Variants in LRP1B observed in about 807,000 individuals in gnomAD.
LRP1B encodes the protein low-density lipoprotein receptor-related protein 1B.
In LRP1B, 217 loss-of-function variants were observed where a neutral mutation model predicts 556.6. The observed-to-expected ratio is 0.39, with a 90% CI of 0.35 to 0.44. The LOEUF is 0.44. LRP1B is among the 20% of genes least tolerant of loss of function. The probability of loss-of-function intolerance (pLI) is 1.00; values close to 1 mark genes in which losing one functional copy is unlikely to be tolerated. For missense variants in LRP1B, 5,053 were observed against 5,620.8 expected (o/e 0.90, Z 3.23); for synonymous variants, 2,047 against 1,865.8 (o/e 1.10, Z -2.50).
chr2:141,499,406 C>T lies in LRP1B; in HGVS notation c.206-18873G>A, dbSNP rs375598407. On this transcript the variant is annotated intron_variant, in intron 2 of 90. Coordinates refer to ENST00000389484, the MANE Select transcript of LRP1B (RefSeq NM_018557.3). Reference sequence around the variant, plus strand: ...CTTCCGGTAATACCTACGCCTCTTACTTGTTCACATTGGCCCTGTCTGGTT... The same window carrying T: ...CTTCCGGTAATACCTACGCCTCTTATTTGTTCACATTGGCCCTGTCTGGTT... Among the ~76,000 whole-genome samples, 48 of 152,230 alleles carry T rather than the reference C, an allele frequency of 3.2e-4. No individual in the cohort carries two copies. The South Asian group carries it at 9.7e-3, about 31-fold the overall frequency.
At chr2:140,903,465 T>C (rs1398813794) in intron 22 of LRP1B, among the ~76,000 whole-genome samples, 5 of 152,058 alleles carry the variant, frequency 3.3e-5, no homozygotes, top group Admixed American at 6.6e-5. Context: ...AATGTTTCTA[T>C]TATGACTGGA....
At chr2:140,794,802 G>A (rs1408583414) in intron 32 of LRP1B, among the ~76,000 whole-genome samples, 1 of 151,604 alleles carries the variant, frequency 6.6e-6, no homozygotes, top group Non-Finnish European at 1.5e-5. Context: ...TAGTAGAGAC[G>A]GGGTTTCTCC....
At position 140,474,393 on chromosome 2, in the gene LRP1B, C is replaced by T. The variant is rs79516742; in HGVS notation, c.9625+745G>A. 3.4e-3 allele frequency among the ~76,000 whole-genome samples: 523 copies of T among 151,944 alleles called. 8 individuals carry two copies. Among genetic ancestry groups the T allele is most frequent in the African/African-American group, 0.012 (484 of 41,508 alleles). On this transcript the variant is annotated intron_variant, in intron 60 of 90. Coordinates refer to ENST00000389484, the MANE Select transcript of LRP1B (RefSeq NM_018557.3). ...GAAGGAAGTAACTTGATAAGCTAAA[C>T]TGAATTAACATGCAGACTTTATTTG...
intron 25 of LRP1B, among the ~76,000 whole-genome samples, chr2:140,874,994 T>C (rs1386085728): frequency 6.7e-6 from 1 of 149,600 alleles, no homozygotes; most frequent in Non-Finnish European, 1.5e-5. Flanking sequence ...CTATACCCTG[T>C]GCAACAAAAG....
intron 2 of LRP1B, among the ~76,000 whole-genome samples, chr2:141,647,950 T>C (rs1201633696): frequency 1.3e-5 from 2 of 152,062 alleles, no homozygotes; most frequent in East Asian, 3.9e-4. Flanking sequence ...TTTTTTAATC[T>C]ACATAAAACA....
intron 1 of LRP1B, among the ~76,000 whole-genome samples, chr2:141,861,641 A>G (rs1698242500): frequency 6.6e-6 from 1 of 152,164 alleles, no homozygotes; most frequent in South Asian, 2.1e-4. Context: ...GAGAAAACAA[A>G]ATTACAGGCT....
At chr2:141,771,507 A>G (rs1380494307) in intron 2 of LRP1B, among the ~76,000 whole-genome samples, 1 of 152,244 alleles carries the variant, frequency 6.6e-6, no homozygotes, top group Admixed American at 6.5e-5. Context: ...TAGACAGTGA[A>G]CTAAAATTGC....
At chr2:141,444,908 T>C (rs547820772) in intron 3 of LRP1B, among the ~76,000 whole-genome samples, 1 of 152,226 alleles carries the variant, frequency 6.6e-6, no homozygotes, top group African/African-American at 2.4e-5. Context: ...TGTGTCTCTG[T>C]CAGGTTCTGG....
intron 1 of LRP1B, among the ~76,000 whole-genome samples, chr2:141,842,481 A>C (rs1697509185): frequency 6.6e-6 from 1 of 152,142 alleles, no homozygotes; most frequent in African/African-American, 2.4e-5. Flanking sequence ...TCCTCACCTA[A>C]AAATGGGGAT....
At chr2:140,708,118 T>C (rs1686905732) in intron 37 of LRP1B, among the ~76,000 whole-genome samples, 1 of 152,072 alleles carries the variant, frequency 6.6e-6, no homozygotes, top group South Asian at 2.1e-4. Context: ...GGTAAATTAG[T>C]ATCTGAGAAA....
chr2:140,731,093 G>A (rs1687761211), intron 35 of LRP1B, among the ~76,000 whole-genome samples: 2 of 152,108 alleles, frequency 1.3e-5, no homozygotes, highest in African/African-American at 2.4e-5. Context: ...ACCTTTAGTA[G>A]GAAACTATTA....
At chr2:141,279,712 G>C (rs375215461) in intron 3 of LRP1B, among the ~76,000 whole-genome samples, 1 of 152,010 alleles carries the variant, frequency 6.6e-6, no homozygotes, top group Non-Finnish European at 1.5e-5. Flanking sequence ...TGATTCATTC[G>C]TTTGCCTCTT....
chr2:140,811,192 A>C (rs940994556), intron 32 of LRP1B, among the ~76,000 whole-genome samples: 2 of 152,208 alleles, frequency 1.3e-5, no homozygotes, highest in African/African-American at 4.8e-5. Context: ...TACAAAGCTG[A>C]TGTCATAACA....
intron 43 of LRP1B, among the ~76,000 whole-genome samples, chr2:140,555,230 A>C (rs553286651): frequency 3.9e-5 from 6 of 151,902 alleles, no homozygotes; most frequent in Admixed American, 1.3e-4. Context: ...TCAGGAAAAA[A>C]AAAAAACAAA....
intron 31 of LRP1B, among the ~76,000 whole-genome samples, chr2:140,824,395 C>T (rs1487497800): frequency 1.3e-5 from 2 of 151,856 alleles, no homozygotes; most frequent in African/African-American, 2.4e-5. Context: ...CATCTTTATT[C>T]CCTGTGCTAA....
At chr2:141,150,537 A>C (rs1369871422) in intron 7 of LRP1B, among the ~76,000 whole-genome samples, 1 of 152,232 alleles carries the variant, frequency 6.6e-6, no homozygotes, top group Non-Finnish European at 1.5e-5. Flanking sequence ...GAAAGTACTC[A>C]GCAATTTATA....
At chr2:140,744,713 T>C (rs992584691) in intron 35 of LRP1B, among the ~76,000 whole-genome samples, 1 of 152,212 alleles carries the variant, frequency 6.6e-6, no homozygotes, top group Non-Finnish European at 1.5e-5. Flanking sequence ...GCAGCTGCTA[T>C]AGATTTTTCA....
chr2:141,313,703 T>A (rs923984564), intron 3 of LRP1B, among the ~76,000 whole-genome samples: 4 of 152,182 alleles, frequency 2.6e-5, no homozygotes, highest in African/African-American at 9.7e-5. Context: ...ACATTAGTGA[T>A]CACTGCAAGT....
At chr2:140,935,474 G>A (rs1695175230) in intron 20 of LRP1B, among the ~76,000 whole-genome samples, 1 of 151,986 alleles carries the variant, frequency 6.6e-6, no homozygotes, top group South Asian at 2.1e-4. Flanking sequence ...ATAGGACAAT[G>A]GGACTTATTG....
Sources: allele counts gnomAD v4.1 joint callset (sites outside exome capture counted in the v4.1 genomes callset), GRCh38; gene constraint gnomAD v4.1.1; transcripts MANE v1.5; gene names NCBI Gene and HGNC (gene_info 2026-07-23, HGNC 2026-07-21).